NRXN3: variants seen among roughly 807,000 people sequenced by gnomAD.
The protein encoded by NRXN3 is neurexin III.
Under a neutral mutation model 137.6 loss-of-function variants are expected in NRXN3, and 32 were observed. That is an observed-to-expected ratio of 0.23 (90% CI 0.18 to 0.31). The LOEUF is 0.31. NRXN3 is among the 10% of genes least tolerant of loss of function. The pLI, the probability that NRXN3 is intolerant of heterozygous loss-of-function variation, is 1.00. For synonymous variants in NRXN3, 798 were observed against 784.5 expected, an observed-to-expected ratio of 1.02 and a Z score of -0.29; for missense variants, 1,574 against 2,062.5, an observed-to-expected ratio of 0.76 and a Z score of 4.59.
chr14:78,342,748 C>G (rs1254952905), intron 4 of NRXN3, among the ~76,000 whole-genome samples: 5 of 152,162 alleles, frequency 3.3e-5, no homozygotes, highest in Non-Finnish European at 5.9e-5. Context: ...TCTCTTGCCT[C>G]TAGTACCCCT....
At chr14:79,182,510 G>A (rs988798107) in intron 15 of NRXN3, among the ~76,000 whole-genome samples, 5 of 151,950 alleles carry the variant, frequency 3.3e-5, no homozygotes, top group African/African-American at 4.8e-5. Context: ...TAGGGTTCAC[G>A]CTTCTGTGAG....
intron 10 of NRXN3, among the ~76,000 whole-genome samples, chr14:78,937,144 C>G (rs1398972186): frequency 6.8e-6 from 1 of 147,788 alleles, no homozygotes; most frequent in Non-Finnish European, 1.5e-5. Context: ...ATCACTTGAA[C>G]CCAAGAGGCG....
At chr14:79,718,474 T>G (rs756276967) in intron 19 of NRXN3, among the ~76,000 whole-genome samples, 1 of 152,238 alleles carries the variant, frequency 6.6e-6, no homozygotes, top group African/African-American at 2.4e-5. Flanking sequence ...ATGTGACTTA[T>G]GTTTTTTAAA....
At chr14:78,882,879 T>G (rs154319) in intron 10 of NRXN3, among the ~76,000 whole-genome samples, 32,114 of 151,316 alleles carry the variant, frequency 0.21, 5,799 homozygotes, top group African/African-American at 0.47. Context: ...ATCTTGAATT[T>G]TAGTTCCCAT....
chr14:79,093,215 A>G (rs2221299), intron 15 of NRXN3, among the ~76,000 whole-genome samples: 150,794 of 152,274 alleles, frequency 0.99, 74,689 homozygotes, highest in Middle Eastern at 1. Flanking sequence ...CAGACTTGAC[A>G]GGGTGAGGGA....
intron 15 of NRXN3, among the ~76,000 whole-genome samples, chr14:79,265,888 A>G (rs1310303561): frequency 6.6e-6 from 1 of 152,066 alleles, no homozygotes; most frequent in Non-Finnish European, 1.5e-5. Flanking sequence ...CTTTATTCCT[A>G]GGGAATCTAC....
At chr14:79,680,572 G>GT (rs1567870623) in intron 17 of NRXN3, among the ~76,000 whole-genome samples, 1 of 151,938 alleles carries the variant, frequency 6.6e-6, no homozygotes, top group East Asian at 1.9e-4. Flanking sequence ...CTAAGTATAC[G>GT]TAAGTGTATT....
At chr14:78,295,877 A>T (rs2076267480) in intron 3 of NRXN3, among the ~76,000 whole-genome samples, 1 of 152,112 alleles carries the variant, frequency 6.6e-6, no homozygotes, top group African/African-American at 2.4e-5. Context: ...AATTTAAAAA[A>T]TATTCACGTG....
At chr14:79,350,987 T>C (rs1253522742) in intron 15 of NRXN3, among the ~76,000 whole-genome samples, 1 of 152,192 alleles carries the variant, frequency 6.6e-6, no homozygotes, top group Non-Finnish European at 1.5e-5. Flanking sequence ...AAGAAGAAAC[T>C]GAGGCTTGAA....
chr14:78,960,163 T>G (rs1307492497), intron 11 of NRXN3, among the ~76,000 whole-genome samples: 1 of 152,154 alleles, frequency 6.6e-6, no homozygotes, highest in African/African-American at 2.4e-5. Context: ...TTTTCAGACG[T>G]GTCCCCCCAA....
intron 16 of NRXN3, among the ~76,000 whole-genome samples, chr14:79,472,739 C>T (rs1236766914): frequency 6.6e-6 from 1 of 152,112 alleles, no homozygotes; most frequent in African/African-American, 2.4e-5. Context: ...GACCCCACAT[C>T]TAGGCTTTAA....
intron 15 of NRXN3, among the ~76,000 whole-genome samples, chr14:79,071,673 G>T (rs1333062704): frequency 6.6e-6 from 1 of 152,116 alleles, no homozygotes; most frequent in Non-Finnish European, 1.5e-5. Flanking sequence ...GGCTGGGAAG[G>T]TTAAGGAACT....
chr14:79,662,289 G>A (rs1272905190), intron 16 of NRXN3, among the ~76,000 whole-genome samples: 2 of 152,134 alleles, frequency 1.3e-5, no homozygotes, highest in African/African-American at 4.8e-5. Context: ...TGAGCAAGAT[G>A]TCTCCCTTCT....
rs768699905 is a variant in NRXN3, at chr14:78,988,055, C to T, written c.3176C>T (p.Ala1059Val). Reference sequence around the variant, plus strand: ...ACCACCTGCCAGGAAGATTCATGTGCCAACCAGGGGGTCTGCATGCAACAA... The same window carrying T: ...ACCACCTGCCAGGAAGATTCATGTGTCAACCAGGGGGTCTGCATGCAACAA... ...PSTTCQEDSC[A>V]NQGVCMQQWE... is the part of the protein sequence containing the mutation. The change falls in exon 15 of 21, where the codon GCC (alanine) becomes GTC (valine). Residue 1059 changes from alanine (A) to valine (V), a missense_variant. Transcript: ENST00000335750. 2 of 1,613,858 alleles carry T rather than the reference C, an allele frequency of 1.2e-6. No individual in the cohort carries two copies. The highest frequency in any genetic ancestry group is 2.2e-5 in the South Asian group (2 of 91,064).
chr14:78,978,262 C>T (rs993798230), intron 14 of NRXN3, among the ~76,000 whole-genome samples: 2 of 152,082 alleles, frequency 1.3e-5, no homozygotes, highest in African/African-American at 4.8e-5. Context: ...GACTTCAAGA[C>T]AAAAAGCATG....
At chr14:78,853,409 T>C (rs569446758) in intron 10 of NRXN3, among the ~76,000 whole-genome samples, 1 of 152,262 alleles carries the variant, frequency 6.6e-6, no homozygotes, top group African/African-American at 2.4e-5. Flanking sequence ...TTTGCAGGGG[T>C]ACATGTGCAG....
intron 8 of NRXN3, among the ~76,000 whole-genome samples, chr14:78,740,036 C>T (rs1218572092): frequency 1.3e-5 from 2 of 152,162 alleles, no homozygotes; most frequent in Non-Finnish European, 2.9e-5. Context: ...CCTGGCATCT[C>T]TTAAGTTGGG....
intron 4 of NRXN3, among the ~76,000 whole-genome samples, chr14:78,437,388 G>A: frequency 6.8e-6 from 1 of 147,778 alleles, no homozygotes; most frequent in Non-Finnish European, 1.5e-5. Context: ...TCACTCTGTT[G>A]CCCAGGCTGG....
At chr14:79,676,360 C>T (rs1337528521) in intron 17 of NRXN3, among the ~76,000 whole-genome samples, 3 of 151,926 alleles carry the variant, frequency 2.0e-5, no homozygotes, top group East Asian at 1.9e-4. Context: ...CCCCACCACG[C>T]CTGGTACCCA....
Sources: gnomAD v4.1 joint callset for allele counts (sites outside exome capture counted in the v4.1 genomes callset) on GRCh38, gnomAD v4.1.1 for gene constraint, MANE v1.5 for transcripts, NCBI Gene and HGNC (gene_info 2026-07-23, HGNC 2026-07-21) for gene names.